DPYD: variants seen among roughly 807,000 people sequenced by gnomAD.
DPYD encodes dihydropyrimidine dehydrogenase, also known as dihydropyrimidine dehydrogenase [NADP(+)].
In DPYD, 109 loss-of-function variants were observed where a neutral mutation model predicts 116.2. The ratio of observed to expected loss-of-function variants is 0.94; its 90% CI spans 0.80 to 1.10. The LOEUF (loss-of-function observed/expected upper bound fraction) is 1.10. Among genes scored for constraint, DPYD ranks in the 50% least tolerant of loss-of-function variants. The pLI is 0.00. For synonymous variants in DPYD, 440 were observed against 432.0 expected, an observed-to-expected ratio of 1.02 and a Z score of -0.23; for missense variants, 1,302 against 1,254.5, an observed-to-expected ratio of 1.04 and a Z score of -0.57.
intron 8 of DPYD, among the ~76,000 whole-genome samples, chr1:97,627,378 A>T (rs909896453): frequency 6.6e-6 from 1 of 152,084 alleles, no homozygotes; most frequent in East Asian, 1.9e-4. Flanking sequence ...AAAGTTTTCA[A>T]TTATCTCTTC....
rs375682343 is a variant in DPYD, at chr1:97,584,944, T to TATAATAATAATA, written c.1128+8262_1128+8273dup. Among the ~76,000 whole-genome samples the TATAATAATAATA allele has an allele frequency of 3.2e-3, 462 of 146,046 alleles. 8 individuals are homozygous for TATAATAATAATA. The highest frequency in any genetic ancestry group is 9.4e-3 in the East Asian group (47 of 4,986). ...TGCACATGTACCCTAAAACTTAAAGTATAATAATAATAATAATAATAATAA... is the reference window on the plus strand; with the variant it reads ...TGCACATGTACCCTAAAACTTAAAGTATAATAATAATAATAATAATAATAATAATAATAATAA... On this transcript the variant is annotated intron_variant, in intron 10 of 22. Coordinates refer to ENST00000370192, the MANE Select transcript of DPYD (RefSeq NM_000110.4).
intron 2 of DPYD, 122 bp from the exon 3 acceptor site, chr1:97,828,318 C>T: frequency 2.5e-6 from 2 of 811,180 alleles, no homozygotes; most frequent in Non-Finnish European, 4.1e-6. Context: ...ATGCATACCA[C>T]TTTAATTGGG....
intron 14 of DPYD, among the ~76,000 whole-genome samples, chr1:97,426,817 A>C (rs1172745523): frequency 6.6e-6 from 1 of 152,160 alleles, no homozygotes; most frequent in African/African-American, 2.4e-5. Flanking sequence ...CAGAGTCAAA[A>C]GGGAGGTGCT....
At chr1:97,541,289 G>T (rs975030858) in intron 12 of DPYD, among the ~76,000 whole-genome samples, 3 of 152,158 alleles carry the variant, frequency 2.0e-5, no homozygotes, top group Non-Finnish European at 2.9e-5. Flanking sequence ...CAAAAAGAAA[G>T]AAGGTTGATT....
chr1:97,785,928 C>T (rs1364666246), intron 3 of DPYD, among the ~76,000 whole-genome samples: 1 of 151,262 alleles, frequency 6.6e-6, no homozygotes, highest in East Asian at 2.0e-4. Context: ...CTCCTGACCT[C>T]ATGATCCGCC....
chr1:97,920,749 G>C (rs1170639981), intron 1 of DPYD, 135 bp downstream of exon 1: 1 of 1,295,976 alleles, frequency 7.7e-7, no homozygotes, highest in African/African-American at 1.5e-5. Flanking sequence ...CTCCCCCGCA[G>C]AGCTCCCACG....
chr1:97,621,466 A>G (rs184200371), intron 8 of DPYD, among the ~76,000 whole-genome samples: 2 of 152,290 alleles, frequency 1.3e-5, no homozygotes, highest in East Asian at 3.9e-4. Context: ...GGTTAAAGAA[A>G]TATGTATGTA....
intron 14 of DPYD, among the ~76,000 whole-genome samples, chr1:97,421,010 T>C (rs149435583): frequency 5.0e-4 from 76 of 152,282 alleles, no homozygotes; most frequent in African/African-American, 1.6e-3. Context: ...CAGGGGTTTG[T>C]TCCTTGTTCA....
At chr1:97,796,047 C>T (rs976666715) in intron 3 of DPYD, among the ~76,000 whole-genome samples, 18 of 151,962 alleles carry the variant, frequency 1.2e-4, no homozygotes, top group African/African-American at 4.3e-4. Context: ...CATTTGTACA[C>T]ATATCTCTTT....
At chr1:97,173,712 T>C (rs527827464) in intron 20 of DPYD, among the ~76,000 whole-genome samples, 18 of 150,866 alleles carry the variant, frequency 1.2e-4, no homozygotes, top group African/African-American at 4.4e-4. Context: ...CTAAAGTTTC[T>C]GAGGCAGGGA....
intron 3 of DPYD, among the ~76,000 whole-genome samples, chr1:97,804,000 T>C (rs1056494605): frequency 2.6e-5 from 4 of 151,972 alleles, no homozygotes; most frequent in African/African-American, 4.8e-5. Context: ...GCAATTCATT[T>C]AAATGGTTTT....
intron 2 of DPYD, among the ~76,000 whole-genome samples, chr1:97,841,370 A>G (rs1169647434): frequency 2.0e-5 from 3 of 152,034 alleles, no homozygotes; most frequent in Non-Finnish European, 4.4e-5. Flanking sequence ...TCTCATCATA[A>G]TCCACAAGTG....
intron 20 of DPYD, among the ~76,000 whole-genome samples, chr1:97,134,741 T>C (rs951414366): frequency 6.6e-6 from 1 of 152,150 alleles, no homozygotes; most frequent in African/African-American, 2.4e-5. Flanking sequence ...CTACATACTT[T>C]TAAAGGTTCA....
intron 13 of DPYD, among the ~76,000 whole-genome samples, chr1:97,473,630 G>C (rs1006727635): frequency 3.9e-5 from 6 of 152,106 alleles, no homozygotes; most frequent in African/African-American, 1.4e-4. Flanking sequence ...AAAGTCAAGG[G>C]ACAACAAGTA....
chr1:97,195,597 TG>T, intron 19 of DPYD, among the ~76,000 whole-genome samples: 1 of 12,822 alleles, frequency 7.8e-5, no homozygotes, highest in East Asian at 0.056. Context: ...TATATATATG[TG>T]TGTGTGTGTA....
chr1:97,883,380 G>A lies in DPYD; in HGVS notation c.40-6C>T. On this transcript the variant is annotated splice_region_variant and splice_polypyrimidine_tract_variant and intron_variant, in intron 1 of 22. Coordinates refer to ENST00000370192, the MANE Select transcript of DPYD (RefSeq NM_000110.4). ...GGATTTAAAGCCAGGATACTCTAAA[G>A]ACAGCATAAACAATGTGTAAATATA... The A allele has an allele frequency of 6.4e-7, 1 of 1,565,980 alleles. No homozygotes were observed. The highest frequency in any genetic ancestry group is 8.8e-7 in the Non-Finnish European group (1 of 1,136,398).
At chr1:97,244,601 T>C (rs993787669) in intron 18 of DPYD, among the ~76,000 whole-genome samples, 2 of 152,036 alleles carry the variant, frequency 1.3e-5, no homozygotes, top group African/African-American at 4.8e-5. Context: ...TGTACTCTCT[T>C]TGGAAACAAG....
chr1:97,849,597 C>T (rs1670475091), intron 2 of DPYD, among the ~76,000 whole-genome samples: 1 of 151,330 alleles, frequency 6.6e-6, no homozygotes, highest in African/African-American at 2.4e-5. Flanking sequence ...TAGATGTGAA[C>T]CTTAGAAGTT....
chr1:97,487,651 C>T (rs569051373), intron 13 of DPYD, among the ~76,000 whole-genome samples: 148 of 151,994 alleles, frequency 9.7e-4, no homozygotes, highest in South Asian at 2.1e-3. Flanking sequence ...CCAGCCTGGG[C>T]GACAGAGCGC....
Sources: gnomAD v4.1 joint callset for allele counts (sites outside exome capture counted in the v4.1 genomes callset) on GRCh38, gnomAD v4.1.1 for gene constraint, MANE v1.5 for transcripts, NCBI Gene and HGNC (gene_info 2026-07-23, HGNC 2026-07-21) for gene names.